Variants in RAB23 observed in about 807,000 individuals in gnomAD.
RAB23 encodes ras-related protein Rab-23.
RAB23 carries 15 observed loss-of-function variants against 30.0 expected under a neutral mutation model. That is an observed-to-expected ratio of 0.50 (90% CI 0.33 to 0.77). The LOEUF (loss-of-function observed/expected upper bound fraction) is 0.77. Ranked by LOEUF, RAB23 falls within the 30% of genes least tolerant of loss-of-function variation. RAB23 has a pLI of 0.02. For missense variants in RAB23, 243 were observed against 275.4 expected, an observed-to-expected ratio of 0.88 and a Z score of 0.83; for synonymous variants, 93 against 94.0, an observed-to-expected ratio of 0.99 and a Z score of 0.06.
chr6:57,187,901 C>T lies in RAB23; in HGVS notation c.*2560G>A, dbSNP rs1318954392. The T allele has an allele frequency of 2.6e-5, 4 of 151,998 alleles. No homozygotes were observed. Among genetic ancestry groups the T allele is most frequent in the African/African-American group, 4.8e-5 (2 of 41,386 alleles). The allele number at this position is 151,998 out of a possible 1,614,324, so 9.4% of individuals were successfully genotyped here. A position where few individuals can be genotyped will look rare whatever the true frequency, so the allele number is the denominator to read the frequency against. On this transcript the variant is annotated 3_prime_UTR_variant, in exon 7 of 7. Coordinates refer to ENST00000468148, the MANE Select transcript of RAB23 (RefSeq NM_016277.5). ...GTGTGCTATCAACTTTGGGCAGATA[C>T]AAAGGAAATCATTTAACCTGGTTTT...
chr6:57,199,074 TAAAC>T (rs1246088145), intron 3 of RAB23, among the ~76,000 whole-genome samples: 1 of 152,200 alleles, frequency 6.6e-6, no homozygotes, highest in African/African-American at 2.4e-5. Context: ...GGGAGGTAAA[TAAAC>T]AAACCCTGCA....
At chr6:57,194,647 A>T in intron 5 of RAB23, 123 bp downstream of exon 5, 1 of 686,198 alleles carries the variant, frequency 1.5e-6, no homozygotes. Context: ...TTTAAATTCT[A>T]CTTAATGTTA....
intron 3 of RAB23, among the ~76,000 whole-genome samples, chr6:57,202,346 TA>T (rs1282692421): frequency 2.6e-5 from 4 of 152,230 alleles, no homozygotes; most frequent in Admixed American, 2.6e-4. Context: ...TTAGGTAGAC[TA>T]AACCTATTCT....
chr6:57,191,848 T>C (rs1764853706), intron 6 of RAB23, among the ~76,000 whole-genome samples: 1 of 151,794 alleles, frequency 6.6e-6, no homozygotes, highest in African/African-American at 2.4e-5. Flanking sequence ...CTGAGTTGTG[T>C]GTGTGTGTGT....
chr6:57,221,022 C>T (rs1290883680), intron 1 of RAB23, among the ~76,000 whole-genome samples: 1 of 152,042 alleles, frequency 6.6e-6, no homozygotes, highest in Non-Finnish European at 1.5e-5. Flanking sequence ...CAATTAAAAA[C>T]CTCGACAATA....
At chr6:57,208,989 AT>A (rs1187616915) in intron 2 of RAB23, among the ~76,000 whole-genome samples, 5 of 152,152 alleles carry the variant, frequency 3.3e-5, no homozygotes, top group Non-Finnish European at 7.3e-5. Flanking sequence ...TAACATATTT[AT>A]TTTTTCTGTA....
rs925304531 is a variant in RAB23, at chr6:57,214,314, C to T, written c.-65-3869G>A. Among the ~76,000 whole-genome samples, 5 of 151,986 alleles carry T rather than the reference C, an allele frequency of 3.3e-5. No homozygotes were observed. The South Asian group carries it at 1.0e-3, about 32-fold the overall frequency. On this transcript the variant is annotated intron_variant, in intron 1 of 6. Coordinates refer to ENST00000468148, the MANE Select transcript of RAB23 (RefSeq NM_016277.5). ...TAGTAAGAGGAGCTCTTCCCATTCT[C>T]AGTTTCTTTCTTTTTTTTTAGACAG... is the stretch of plus-strand genomic sequence containing the variant.
In RAB23 at chr6:57,198,764, A is replaced by G. The variant is rs1765125553; in HGVS notation, c.242-2158T>C. 2.6e-5 allele frequency among the ~76,000 whole-genome samples: 4 copies of G among 152,190 alleles called. No homozygotes were observed. In the South Asian group the frequency reaches 8.3e-4, roughly 32 times the overall value. On this transcript the variant is annotated intron_variant, in intron 3 of 6. Transcript: ENST00000468148. ...CAGCTTTATGTCCAGCTGTCATTTA[A>G]ATTTGAGGGCACAATAGGGTATTTC...
At chr6:57,199,362 C>T (rs141369526) in intron 3 of RAB23, among the ~76,000 whole-genome samples, 20 of 152,312 alleles carry the variant, frequency 1.3e-4, no homozygotes, top group Non-Finnish European at 2.1e-4. Flanking sequence ...ATACTTAGAA[C>T]GCTTTACTGG....
intron 3 of RAB23, among the ~76,000 whole-genome samples, chr6:57,199,661 A>G (rs1458748210): frequency 6.6e-6 from 1 of 152,236 alleles, no homozygotes; most frequent in Non-Finnish European, 1.5e-5. Context: ...AAGTCCTAAG[A>G]AGATAAATTA....
chr6:57,198,273 A>G (rs745333590), intron 3 of RAB23, among the ~76,000 whole-genome samples: 5 of 152,350 alleles, frequency 3.3e-5, no homozygotes, highest in Non-Finnish European at 7.3e-5. Context: ...TTATGTAATC[A>G]TATTTTAAGA....
intron 1 of RAB23, among the ~76,000 whole-genome samples, chr6:57,210,758 G>C (rs916972658): frequency 1.4e-4 from 21 of 152,338 alleles, no homozygotes; most frequent in African/African-American, 4.8e-4. Flanking sequence ...TACTAGTTCT[G>C]TGCTCTTAGT....
rs1465004208 is a variant in RAB23, at chr6:57,187,938, T to C, written c.*2523A>G. 6.6e-6 allele frequency: 1 copy of C among 152,144 alleles called. No individual in the cohort carries two copies. Among genetic ancestry groups the C allele is most frequent in the African/African-American group, 2.4e-5 (1 of 41,404 alleles). The allele number at this position is 152,144 out of a possible 1,614,324, so 9.4% of individuals were successfully genotyped here. The stretch of plus-strand genomic sequence containing the variant: ...TTTAACCTGGTTTTATTTAACTATA[T>C]TGCCTTATATGGGTCATTCTATATA... On this transcript the variant is annotated 3_prime_UTR_variant, in exon 7 of 7. Transcript: ENST00000468148.
chr6:57,216,527 C>T (rs1389845449), intron 1 of RAB23, among the ~76,000 whole-genome samples: 1 of 152,164 alleles, frequency 6.6e-6, no homozygotes, highest in African/African-American at 2.4e-5. Flanking sequence ...AGGGCAAACC[C>T]CAAAACTGGA....
chr6:57,220,395 C>G lies in RAB23; in HGVS notation c.-66+1331G>C, dbSNP rs77096991. Among the ~76,000 whole-genome samples, 17 of 152,300 alleles carry G rather than the reference C, an allele frequency of 1.1e-4. No homozygotes were observed. In the East Asian group the frequency reaches 3.1e-3, roughly 28 times the overall value. ...ATTTACCATATGACCCTGCAATCCA[C>G]TCCTAGCAATACCCTAGAGAAATGA... On this transcript the variant is annotated intron_variant, in intron 1 of 6. Transcript: ENST00000468148.
At chr6:57,221,689 CCT>C (rs904933930) in intron 1 of RAB23, 35 bp downstream of exon 1, 1 of 152,334 alleles carries the variant, frequency 6.6e-6, no homozygotes, top group Non-Finnish European at 1.5e-5. Flanking sequence ...TCGCTCCACC[CCT>C]CTTTCCCGCC....
At position 57,207,677 on chromosome 6, in the gene RAB23, G is replaced by A; in HGVS notation, c.192C>T (p.Asp64=). 1 of 1,605,120 alleles carries A rather than the reference G, an allele frequency of 6.2e-7. No homozygotes were observed. The highest frequency in any genetic ancestry group is 8.5e-7 in the Non-Finnish European group (1 of 1,172,058). ...NDEDVRLMLW[D]TAGQEEFDAI... is the part of the protein sequence containing the mutation. Reference sequence around the variant, plus strand: ...CATCAAATTCCTCCTGACCTGCAGTGTCCCATAACATTAGTCTGACATCTT... The same window carrying A: ...CATCAAATTCCTCCTGACCTGCAGTATCCCATAACATTAGTCTGACATCTT... Residue 64 remains aspartate (D), a synonymous_variant, in exon 3 of 7, where the codon GAC becomes GAT. Transcript: ENST00000468148.
chr6:57,191,843 T>G (rs951509949), intron 6 of RAB23, among the ~76,000 whole-genome samples: 7 of 150,496 alleles, frequency 4.7e-5, no homozygotes, highest in East Asian at 2.0e-4. Context: ...TATTTCTGAG[T>G]TGTGTGTGTG....
intron 1 of RAB23, 67 bp from the exon 2 acceptor site, chr6:57,210,512 C>G: frequency 9.6e-7 from 1 of 1,043,698 alleles, no homozygotes; most frequent in Non-Finnish European, 1.5e-6. Flanking sequence ...ATTGTTTTAT[C>G]AAGAAATTAT....
Sources: gnomAD v4.1 joint callset for allele counts (sites outside exome capture counted in the v4.1 genomes callset) on GRCh38, gnomAD v4.1.1 for gene constraint, MANE v1.5 for transcripts, NCBI Gene and HGNC (gene_info 2026-07-23, HGNC 2026-07-21) for gene names.